DNTTIP1: variants seen among roughly 807,000 people sequenced by gnomAD.
DNTTIP1 encodes deoxynucleotidyltransferase terminal interacting protein 1, also known as deoxynucleotidyltransferase terminal-interacting protein 1.
In DNTTIP1, 22 loss-of-function variants were observed where a neutral mutation model predicts 52.9. The ratio of observed to expected loss-of-function variants is 0.42; its 90% CI spans 0.30 to 0.59. The LOEUF (loss-of-function observed/expected upper bound fraction) is 0.59, where lower values mean the gene tolerates loss of function less well. Among genes scored for constraint, DNTTIP1 ranks in the 20% least tolerant of loss-of-function variants. The pLI, the probability that DNTTIP1 is intolerant of heterozygous loss-of-function variation, is 0.22. For synonymous variants in DNTTIP1, 136 were observed against 155.1 expected (o/e 0.88, Z 0.92); for missense variants, 286 against 435.5 (o/e 0.66, Z 3.06).
chr20:45,792,691 A>G lies in DNTTIP1; in HGVS notation c.120A>G (p.Ile40Met). The G allele has an allele frequency of 6.2e-7, 1 of 1,612,262 alleles. No homozygotes were observed. The highest frequency in any genetic ancestry group is 8.5e-7 in the Non-Finnish European group (1 of 1,179,276). Residue 40 changes from isoleucine (I) to methionine (M), a missense_variant, in exon 2 of 13, where the codon ATA becomes ATG. Ile to Met is a conservative substitution (Grantham distance 10, BLOSUM62 1). Transcript: ENST00000372622. ...GQLVLTNPWN[I>M]MIKHRQVQRR... ...GGTCCCCACAGAACCCTTGGAACAT[A>G]ATGATAAAGCACCGGCAGGTGCAGC... is the stretch of plus-strand genomic sequence containing the variant.
intron 4 of DNTTIP1, among the ~76,000 whole-genome samples, chr20:45,800,437 G>A (rs1196871752): frequency 6.6e-6 from 1 of 151,598 alleles, no homozygotes; most frequent in Non-Finnish European, 1.5e-5. Context: ...ACTTTGGGAG[G>A]CCAAGGCAGG....
At chr20:45,802,841 T>TA (rs1435559681) in intron 7 of DNTTIP1, among the ~76,000 whole-genome samples, 1 of 148,410 alleles carries the variant, frequency 6.7e-6, no homozygotes, top group Non-Finnish European at 1.5e-5. Context: ...CCCCACTTTT[T>TA]AAAAAAAATT....
rs181284715 is a variant in DNTTIP1, at chr20:45,803,289, G to T, written c.558-44G>T. On this transcript the variant is annotated intron_variant, in intron 7 of 12. Transcript: ENST00000372622. ...CCAGCAAGCTGGCATTTAGTCCTAGGTCTCACCTTGGAGAATTCACCTTTA... is the reference window on the plus strand; with the variant it reads ...CCAGCAAGCTGGCATTTAGTCCTAGTTCTCACCTTGGAGAATTCACCTTTA... 1,663 of 1,606,966 alleles carry T rather than the reference G, an allele frequency of 1.0e-3. 10 individuals are homozygous for T. Among genetic ancestry groups the T allele is most frequent in the Non-Finnish European group, 7.0e-4 (824 of 1,173,988 alleles).
intron 4 of DNTTIP1, 57 bp downstream of exon 4, chr20:45,795,500 TA>T: frequency 8.9e-7 from 1 of 1,127,772 alleles, no homozygotes; most frequent in Non-Finnish European, 1.3e-6. Flanking sequence ...GAGCCTCTGA[TA>T]AGAAATGCGA....
At chr20:45,805,096 A>G (rs377178414) in intron 8 of DNTTIP1, 50 bp from the exon 9 acceptor site, 2 of 1,497,566 alleles carry the variant, frequency 1.3e-6, no homozygotes, top group Non-Finnish European at 1.9e-6. Context: ...TTTCTGTCCT[A>G]CCCATCAGAT....
chr20:45,792,862 T>A, intron 2 of DNTTIP1, 115 bp downstream of exon 2: 2 of 879,550 alleles, frequency 2.3e-6, no homozygotes, highest in Non-Finnish European at 3.4e-6. Flanking sequence ...AGCACAGGAC[T>A]GAGGAAGAGG....
chr20:45,792,781 G>A (rs1981077634), intron 2 of DNTTIP1, 34 bp downstream of exon 2: 10 of 1,586,228 alleles, frequency 6.3e-6, no homozygotes, highest in African/African-American at 2.7e-5. Flanking sequence ...TTATATCCCA[G>A]CCACTGGCTT....
chr20:45,801,704 C>G (rs1295787450), intron 6 of DNTTIP1, among the ~76,000 whole-genome samples: 2 of 152,192 alleles, frequency 1.3e-5, no homozygotes, highest in African/African-American at 4.8e-5. Context: ...GGGAGGATCA[C>G]CTGAGCCCAG....
rs144859982 is a variant in DNTTIP1, at chr20:45,800,679, T to TAAAAA, written c.373-383_373-379dup. 1.2e-3 allele frequency among the ~76,000 whole-genome samples: 17 copies of TAAAAA among 14,684 alleles called. 1 individual carries two copies. The highest frequency in any genetic ancestry group is 2.8e-3 in the African/African-American group (11 of 3,932). 9.6% of individuals were successfully genotyped at this position (14,684 alleles called of 152,430 possible). A position where few individuals can be genotyped will look rare whatever the true frequency, so the allele number is the denominator to read the frequency against. ...ACAAGAGTGAAACTCCATCTCAATTTAAAAAAAAAAAAAAAATATATATAT... is the reference window on the plus strand; with the variant it reads ...ACAAGAGTGAAACTCCATCTCAATTTAAAAAAAAAAAAAAAAAAAAATATATATAT... On this transcript the variant is annotated intron_variant, in intron 4 of 12. Coordinates refer to ENST00000372622, the MANE Select transcript of DNTTIP1 (RefSeq NM_052951.3).
At chr20:45,800,697 ATAT>A (rs1981425977) in intron 4 of DNTTIP1, among the ~76,000 whole-genome samples, 2 of 5,846 alleles carry the variant, frequency 3.4e-4, no homozygotes, top group Non-Finnish European at 4.9e-4. Flanking sequence ...AAAAAAAAAT[ATAT>A]ATATATATAT....
chr20:45,794,066 G>C, intron 3 of DNTTIP1, 49 bp downstream of exon 3: 3 of 1,222,920 alleles, frequency 2.5e-6, no homozygotes, highest in Non-Finnish European at 3.5e-6. Flanking sequence ...CTCATGAGGA[G>C]CCCAGTCCTT....
At position 45,809,570 on chromosome 20, in the gene DNTTIP1, C is replaced by G. The variant is rs759253524; in HGVS notation, c.795+385C>G. Among the ~76,000 whole-genome samples, 5 of 152,242 alleles carry G rather than the reference C, an allele frequency of 3.3e-5. No individual in the cohort carries two copies. Among genetic ancestry groups the G allele is most frequent in the Non-Finnish European group, 7.3e-5 (5 of 68,044 alleles). On this transcript the variant is annotated intron_variant, in intron 11 of 12. Transcript: ENST00000372622. The surrounding 1 kb of genome is among the most constrained non-coding windows in gnomAD (Gnocchi z 4.2). Reference sequence around the variant, plus strand: ...ACAGCTATAGAATCTTTTCTCAACACAGTACTTGAGGCAGCAACCCTTGTC... The same window carrying G: ...ACAGCTATAGAATCTTTTCTCAACAGAGTACTTGAGGCAGCAACCCTTGTC...
chr20:45,810,949 A>G lies in DNTTIP1; in HGVS notation c.851+9A>G. 2.5e-6 allele frequency: 4 copies of G among 1,614,158 alleles called. No individual in the cohort carries two copies. Among genetic ancestry groups the G allele is most frequent in the African/African-American group, 1.3e-5 (1 of 75,038 alleles). On this transcript the variant is annotated intron_variant, in intron 12 of 12. Transcript: ENST00000372622. ...GCCAGTGATGATTACAGGTAAAACC[A>G]GTGGGTCTCCTGCCCCTTCTCCTCT...
chr20:45,792,339 G>T (rs542786901), intron 1 of DNTTIP1, among the ~76,000 whole-genome samples: 4 of 152,214 alleles, frequency 2.6e-5, no homozygotes, highest in Non-Finnish European at 5.9e-5. Context: ...AAATGGAAAT[G>T]ATTAGTACCT....
rs755248360 is a variant in DNTTIP1, at chr20:45,795,357, G to A, written c.286G>A (p.Ala96Thr). The A allele has an allele frequency of 5.0e-5, 81 of 1,608,840 alleles. No homozygotes were observed. Among genetic ancestry groups the A allele is most frequent in the Non-Finnish European group, 6.9e-5 (81 of 1,177,240 alleles). Residue 96 changes from alanine (A) to threonine (T), a missense_variant, in exon 4 of 13, where the codon GCA becomes ACA. By Grantham distance (58) the Ala-to-Thr change is moderately conservative (BLOSUM62 0). Around this residue, in one of 2 missense-constraint regions of DNTTIP1, gnomAD observed 208 missense variants for 266.5 expected, o/e 0.78. Transcript: ENST00000372622. Reference sequence around the variant, plus strand: ...TGTGCTCCCCTAGTTCTTCCAGAAGGCAGCACTGAACGTGCGAGACAATGT... The same window carrying A: ...TGTGCTCCCCTAGTTCTTCCAGAAGACAGCACTGAACGTGCGAGACAATGT... ...FNKYMKFFQK[A>T]ALNVRDNVGE... is the part of the protein sequence containing the mutation.
At chr20:45,808,902 A>G (rs1237457094) in intron 10 of DNTTIP1, among the ~76,000 whole-genome samples, 2 of 152,084 alleles carry the variant, frequency 1.3e-5, no homozygotes. Flanking sequence ...GGGGATTGGG[A>G]GTATACTAAG....
At position 45,809,266 on chromosome 20, in the gene DNTTIP1, C is replaced by A; in HGVS notation, c.795+81C>A. 1 of 1,245,416 alleles carries A rather than the reference C, an allele frequency of 8.0e-7. No homozygotes were observed. Among genetic ancestry groups the A allele is most frequent in the Non-Finnish European group, 1.2e-6 (1 of 850,126 alleles). The allele number at this position is 1,245,416 out of a possible 1,614,324, so 77.1% of individuals were successfully genotyped here. ...ATTTTGGCTGTGGGTGACAGCCTACCTCCAAATCTGACTTCCAAAGCCTCA... is the reference window on the plus strand; with the variant it reads ...ATTTTGGCTGTGGGTGACAGCCTACATCCAAATCTGACTTCCAAAGCCTCA... On this transcript the variant is annotated intron_variant, in intron 11 of 12. Coordinates refer to ENST00000372622, the MANE Select transcript of DNTTIP1 (RefSeq NM_052951.3). This position sits in a 1 kb window ranked among gnomAD's most constrained non-coding sequence, Gnocchi z 4.2.
At chr20:45,792,794 A>G in intron 2 of DNTTIP1, 47 bp downstream of exon 2, 1 of 1,564,560 alleles carries the variant, frequency 6.4e-7, no homozygotes, top group Non-Finnish European at 8.7e-7. Context: ...ACTGGCTTGC[A>G]TGGCAGATTT....
chr20:45,803,191 C>A, intron 7 of DNTTIP1, 142 bp from the exon 8 acceptor site: 1 of 743,294 alleles, frequency 1.3e-6, no homozygotes, highest in Non-Finnish European at 2.2e-6. Context: ...CCCTTTGTTC[C>A]TCCTCTTATG....
Sources: allele counts gnomAD v4.1 joint callset (sites outside exome capture counted in the v4.1 genomes callset), GRCh38; gene constraint gnomAD v4.1.1; regional missense constraint gnomAD v4.1.1; non-coding constraint Gnocchi (gnomAD v3.1); transcripts MANE v1.5; gene names NCBI Gene and HGNC (gene_info 2026-07-23, HGNC 2026-07-21).